TXNDC16: variants seen among roughly 807,000 people sequenced by gnomAD.
The protein encoded by TXNDC16 is thioredoxin domain containing 16, also known as thioredoxin domain-containing protein 16.
A neutral mutation model predicts 85.6 loss-of-function variants in TXNDC16; 74 were observed. That is an observed-to-expected ratio of 0.86 (90% CI 0.72 to 1.05). The LOEUF (loss-of-function observed/expected upper bound fraction) is 1.05. Among genes scored for constraint, TXNDC16 ranks in the 50% least tolerant of loss-of-function variants. The pLI, the probability that TXNDC16 is intolerant of heterozygous loss-of-function variation, is 0.00. For synonymous variants in TXNDC16, 335 were observed against 326.5 expected, an observed-to-expected ratio of 1.03 and a Z score of -0.28; for missense variants, 959 against 947.0, an observed-to-expected ratio of 1.01 and a Z score of -0.17.
intron 9 of TXNDC16, among the ~76,000 whole-genome samples, chr14:52,497,230 C>T (rs1311056224): frequency 6.6e-6 from 1 of 151,930 alleles, no homozygotes; most frequent in Non-Finnish European, 1.5e-5. Flanking sequence ...AATTTGATAA[C>T]TTAGAAGAAA....
At chr14:52,457,209 C>A in intron 16 of TXNDC16, 35 bp from the exon 17 acceptor site, 1 of 1,278,142 alleles carries the variant, frequency 7.8e-7, no homozygotes, top group South Asian at 1.3e-5. Context: ...AATCTGAAAC[C>A]TTTATAATTA....
At chr14:52,471,580 A>G (rs894385993) in intron 14 of TXNDC16, among the ~76,000 whole-genome samples, 1 of 152,112 alleles carries the variant, frequency 6.6e-6, no homozygotes, top group African/African-American at 2.4e-5. Flanking sequence ...TTATGTAATT[A>G]TATACTATTC....
At chr14:52,482,509 G>A (rs2036173088) in intron 13 of TXNDC16, among the ~76,000 whole-genome samples, 1 of 152,070 alleles carries the variant, frequency 6.6e-6, no homozygotes, top group Non-Finnish European at 1.5e-5. Context: ...AAATGGCTAT[G>A]ATTTGAAGAT....
rs868478502 is a variant in TXNDC16, at chr14:52,493,220, C to T, written c.757-2215G>A. On this transcript the variant is annotated intron_variant, in intron 9 of 20. Transcript: ENST00000281741. Reference sequence around the variant, plus strand: ...ATATATATATATATATATATATACACACACACACACACACATATTTAAAAG... The same window carrying T: ...ATATATATATATATATATATATACATACACACACACACACATATTTAAAAG... Among the ~76,000 whole-genome samples, 800 of 119,018 alleles carry T rather than the reference C, an allele frequency of 6.7e-3. 9 individuals carry two copies. The highest frequency in any genetic ancestry group is 0.028 in the African/African-American group (690 of 24,216). The allele number at this position is 119,018 out of a possible 152,430, so 78.1% of individuals were successfully genotyped here.
At chr14:52,506,082 T>C (rs1434551460) in intron 9 of TXNDC16, among the ~76,000 whole-genome samples, 1 of 152,132 alleles carries the variant, frequency 6.6e-6, no homozygotes, top group Non-Finnish European at 1.5e-5. Context: ...CAATAATTAA[T>C]AGCTTACCAA....
At chr14:52,477,895 G>A (rs949765046) in intron 14 of TXNDC16, among the ~76,000 whole-genome samples, 4 of 152,012 alleles carry the variant, frequency 2.6e-5, no homozygotes, top group Non-Finnish European at 4.4e-5. Flanking sequence ...ACAGCACATG[G>A]AACTTTCTCC....
intron 18 of TXNDC16, among the ~76,000 whole-genome samples, chr14:52,446,637 GCA>G (rs954292169): frequency 6.6e-6 from 1 of 152,134 alleles, no homozygotes; most frequent in African/African-American, 2.4e-5. Context: ...ATCCCAGGCT[GCA>G]CAGCTTGTAG....
chr14:52,480,476 A>G (rs1302516994), intron 14 of TXNDC16, among the ~76,000 whole-genome samples: 3 of 152,106 alleles, frequency 2.0e-5, no homozygotes, highest in Non-Finnish European at 2.9e-5. Context: ...AATCAGCAAG[A>G]AAAAAACAAA....
chr14:52,530,004 T>A (rs1448639935), intron 6 of TXNDC16, among the ~76,000 whole-genome samples: 1 of 104,762 alleles, frequency 9.5e-6, no homozygotes, highest in Non-Finnish European at 1.7e-5. Flanking sequence ...ATATATATAA[T>A]ATATATTATA....
intron 6 of TXNDC16, among the ~76,000 whole-genome samples, chr14:52,531,431 G>A (rs1433648684): frequency 6.6e-6 from 1 of 152,052 alleles, no homozygotes; most frequent in Non-Finnish European, 1.5e-5. Flanking sequence ...TCTTTCAGTA[G>A]GTCAATGGTT....
chr14:52,509,922 A>T (rs1467252963), intron 9 of TXNDC16, among the ~76,000 whole-genome samples: 1 of 151,944 alleles, frequency 6.6e-6, no homozygotes, highest in Non-Finnish European at 1.5e-5. Flanking sequence ...AGGAGCTTGC[A>T]GTGAGCCGAG....
At chr14:52,541,724 G>T (rs190001291) in intron 4 of TXNDC16, among the ~76,000 whole-genome samples, 1 of 151,992 alleles carries the variant, frequency 6.6e-6, no homozygotes, top group South Asian at 2.1e-4. Context: ...AGTATCACTG[G>T]GTTACCCCTC....
chr14:52,454,649 C>CAAAAAAAAAAAA (rs34727206), intron 18 of TXNDC16, among the ~76,000 whole-genome samples: 3 of 60,368 alleles, frequency 5.0e-5, no homozygotes, highest in Non-Finnish European at 6.4e-5. Context: ...ACTAAAAATA[C>CAAAAAAAAAAAA]AAAAAAAAAA....
chr14:52,512,602 A>C (rs945140816), intron 8 of TXNDC16, among the ~76,000 whole-genome samples: 7 of 152,208 alleles, frequency 4.6e-5, no homozygotes, highest in Non-Finnish European at 1.0e-4. Flanking sequence ...CCTCTGAAAC[A>C]ACAGAATAAT....
intron 6 of TXNDC16, among the ~76,000 whole-genome samples, chr14:52,533,526 G>A (rs570782898): frequency 1.3e-5 from 2 of 152,278 alleles, no homozygotes; most frequent in South Asian, 4.1e-4. Flanking sequence ...TCACTTGCCT[G>A]CCTACAGCGC....
chr14:52,536,879 T>C, intron 5 of TXNDC16, 86 bp from the exon 6 acceptor site: 1 of 1,163,340 alleles, frequency 8.6e-7, no homozygotes, highest in Non-Finnish European at 1.2e-6. Context: ...TCAAATACAT[T>C]AGCTTATAAG....
At position 52,503,721 on chromosome 14, in the gene TXNDC16, C is replaced by T. The variant is rs187415005; in HGVS notation, c.756+7519G>A. Reference sequence around the variant, plus strand: ...TCACCAGCAATGGAACAAAGCTGGACAGAGAATGACTTTCATGAGTTGAGA... The same window carrying T: ...TCACCAGCAATGGAACAAAGCTGGATAGAGAATGACTTTCATGAGTTGAGA... On this transcript the variant is annotated intron_variant, in intron 9 of 20. Transcript: ENST00000281741. 1.8e-3 allele frequency among the ~76,000 whole-genome samples: 271 copies of T among 152,278 alleles called. 1 individual carries two copies. Among genetic ancestry groups the T allele is most frequent in the African/African-American group, 6.4e-3 (268 of 41,568 alleles).
At chr14:52,522,695 G>C (rs1246117691) in intron 6 of TXNDC16, among the ~76,000 whole-genome samples, 2 of 152,144 alleles carry the variant, frequency 1.3e-5, no homozygotes, top group African/African-American at 4.8e-5. Context: ...AATTTTCACT[G>C]TATGCAGAGC....
At chr14:52,519,498 T>C (rs987841652) in intron 6 of TXNDC16, among the ~76,000 whole-genome samples, 1 of 152,226 alleles carries the variant, frequency 6.6e-6, no homozygotes, top group Non-Finnish European at 1.5e-5. Context: ...CCAGGGACAG[T>C]TGTGAGACAA....
Sources: gnomAD v4.1 joint callset for allele counts (sites outside exome capture counted in the v4.1 genomes callset) on GRCh38, gnomAD v4.1.1 for gene constraint, MANE v1.5 for transcripts, NCBI Gene and HGNC (gene_info 2026-07-23, HGNC 2026-07-21) for gene names.